ZBTB7C: variants seen among roughly 807,000 people sequenced by gnomAD.
ZBTB7C encodes the protein zinc finger and BTB domain containing 7C.
In ZBTB7C, 8 loss-of-function variants were observed where a neutral mutation model predicts 25.7. That is an observed-to-expected ratio of 0.31 (90% CI 0.18 to 0.56). The LOEUF is 0.56. ZBTB7C is among the 20% of genes least tolerant of loss of function. ZBTB7C has a pLI of 0.91. For missense variants in ZBTB7C, 824 were observed against 855.2 expected (o/e 0.96, Z 0.46); for synonymous variants, 394 against 369.0 (o/e 1.07, Z -0.78).
At chr18:48,337,726 G>T (rs916319079) in intron 2 of ZBTB7C, among the ~76,000 whole-genome samples, 9 of 152,196 alleles carry the variant, frequency 5.9e-5, no homozygotes, top group African/African-American at 1.9e-4. Context: ...CAGACCTAAA[G>T]GCTTCCCAAC....
intron 3 of ZBTB7C, among the ~76,000 whole-genome samples, chr18:48,090,457 C>T (rs118027677): frequency 0.026 from 3,983 of 152,334 alleles, 65 homozygotes; most frequent in Non-Finnish European, 0.039. Flanking sequence ...GTCTGCAGGC[C>T]TTATAGACAA....
At chr18:48,096,728 C>T (rs2038647603) in intron 3 of ZBTB7C, among the ~76,000 whole-genome samples, 1 of 152,118 alleles carries the variant, frequency 6.6e-6, no homozygotes, top group East Asian at 1.9e-4. Flanking sequence ...TAAGCATTGT[C>T]CCATCTTGTG....
At position 48,041,948 on chromosome 18, in the gene ZBTB7C, G is replaced by A. The variant is rs144703340; in HGVS notation, c.-16-825C>T. ...AATATCAACCCCTGTGGTGAGAAGC[G>A]TCTTCTGAGACACCTTATCATTGTA... On this transcript the variant is annotated intron_variant, in intron 3 of 4. Coordinates refer to ENST00000590800, the MANE Select transcript of ZBTB7C (RefSeq NM_001318841.2). Among the ~76,000 whole-genome samples, 176 of 152,208 alleles carry A rather than the reference G, an allele frequency of 1.2e-3. 1 individual carries two copies. Among genetic ancestry groups the A allele is most frequent in the African/African-American group, 3.4e-3 (140 of 41,524 alleles).
intron 3 of ZBTB7C, among the ~76,000 whole-genome samples, chr18:48,069,195 T>C (rs1256034631): frequency 6.6e-6 from 1 of 152,238 alleles, no homozygotes; most frequent in Non-Finnish European, 1.5e-5. Flanking sequence ...CCACAGTCAC[T>C]GGGCCCACCC....
At chr18:48,337,825 A>T (rs935229654) in intron 2 of ZBTB7C, among the ~76,000 whole-genome samples, 1 of 152,174 alleles carries the variant, frequency 6.6e-6, no homozygotes, top group African/African-American at 2.4e-5. Flanking sequence ...CTCCACTGGC[A>T]TGAACTCCCT....
chr18:48,350,454 C>T (rs2046839041), intron 1 of ZBTB7C: 1 of 152,248 alleles, frequency 6.6e-6, no homozygotes, highest in Non-Finnish European at 1.5e-5. Context: ...TTGAGCACAT[C>T]TGGATAAACC....
intron 1 of ZBTB7C, among the ~76,000 whole-genome samples, chr18:48,339,034 A>T (rs77012887): frequency 1.3e-5 from 2 of 152,162 alleles, no homozygotes; most frequent in South Asian, 2.1e-4. Flanking sequence ...TGAGGAACAG[A>T]GACACCGGCT....
At chr18:48,270,253 C>CTTTTTTTTTT (rs760096959) in intron 2 of ZBTB7C, among the ~76,000 whole-genome samples, 6 of 98,752 alleles carry the variant, frequency 6.1e-5, no homozygotes, top group Non-Finnish European at 1.2e-4. Flanking sequence ...TTCTCTCTTT[C>CTTTTTTTTTT]TTTTTTTTTT....
At chr18:48,101,512 T>C (rs188005991) in intron 3 of ZBTB7C, among the ~76,000 whole-genome samples, 1 of 152,360 alleles carries the variant, frequency 6.6e-6, no homozygotes, top group Admixed American at 6.5e-5. Flanking sequence ...TCATCTTGAC[T>C]GGGACTGACC....
chr18:48,165,655 C>T (rs184065320), intron 3 of ZBTB7C: 47 of 154,764 alleles, frequency 3.0e-4, no homozygotes, highest in Admixed American at 1.4e-3. Flanking sequence ...AATGCTATGC[C>T]CTCAAGGTTA....
rs1201764977 is a variant in ZBTB7C at position 48,398,692 on chromosome 18, C to T, written c.-304+10534G>A. Among the ~76,000 whole-genome samples the T allele has an allele frequency of 3.3e-5, 5 of 151,988 alleles. No individual in the cohort carries two copies. In the South Asian group the frequency reaches 6.2e-4, roughly 19 times the overall value. ...CCCCACCGCTTCCCCACCCCCACAACGTGAGCACCATCCCTCATGCCCTTT... is the reference window on the plus strand; with the variant it reads ...CCCCACCGCTTCCCCACCCCCACAATGTGAGCACCATCCCTCATGCCCTTT... On this transcript the variant is annotated intron_variant, in intron 1 of 4. Transcript: ENST00000590800.
intron 1 of ZBTB7C, among the ~76,000 whole-genome samples, chr18:48,378,828 T>A (rs79393754): frequency 6.6e-6 from 1 of 152,130 alleles, no homozygotes; most frequent in East Asian, 1.9e-4. Context: ...AATGAAGTAC[T>A]CAGTAGGGAG....
intron 2 of ZBTB7C, among the ~76,000 whole-genome samples, chr18:48,213,493 G>T (rs1223999782): frequency 1.3e-5 from 2 of 152,200 alleles, no homozygotes; most frequent in Non-Finnish European, 2.9e-5. Context: ...GCGTGCTAGA[G>T]ATTAAACAGC....
intron 2 of ZBTB7C, among the ~76,000 whole-genome samples, chr18:48,296,247 AG>A (rs2045386830): frequency 6.6e-6 from 1 of 152,076 alleles, no homozygotes; most frequent in Non-Finnish European, 1.5e-5. Context: ...CAGGATGGGG[AG>A]GGGGCATCCC....
intron 4 of ZBTB7C, among the ~76,000 whole-genome samples, chr18:48,036,127 T>TCTG (rs2035958937): frequency 6.6e-6 from 1 of 152,228 alleles, no homozygotes; most frequent in Non-Finnish European, 1.5e-5. Context: ...AGATTTCATA[T>TCTG]TTGGAACAGA....
intron 1 of ZBTB7C, among the ~76,000 whole-genome samples, chr18:48,403,602 T>C (rs35622032): frequency 0.072 from 10,984 of 152,148 alleles, 513 homozygotes; most frequent in South Asian, 0.1. Flanking sequence ...GAGGAGACAA[T>C]AGATTGCAAA....
intron 3 of ZBTB7C, among the ~76,000 whole-genome samples, chr18:48,042,193 C>T (rs781255085): frequency 2.0e-4 from 30 of 152,186 alleles, no homozygotes; most frequent in Non-Finnish European, 3.4e-4. Flanking sequence ...CAGTAAAGCC[C>T]CTTCCTCATC....
chr18:48,141,571 G>GA (rs1555699144), intron 3 of ZBTB7C, among the ~76,000 whole-genome samples: 3,110 of 152,134 alleles, frequency 0.02, 113 homozygotes, highest in African/African-American at 0.072. Context: ...GGGCGGGGGG[G>GA]AAAGTAACCC....
chr18:48,185,237 C>A, intron 3 of ZBTB7C: 1 of 392,768 alleles, frequency 2.5e-6, no homozygotes, highest in Non-Finnish European at 5.0e-6. Flanking sequence ...CAGTTCAAGC[C>A]TCTCCTTCTC....
Sources: gnomAD v4.1 joint callset for allele counts (sites outside exome capture counted in the v4.1 genomes callset) on GRCh38, gnomAD v4.1.1 for gene constraint, MANE v1.5 for transcripts, NCBI Gene and HGNC (gene_info 2026-07-23, HGNC 2026-07-21) for gene names.